The following EXOC4 variants were observed in gnomAD, a reference collection of about 807,000 sequenced individuals.
The protein encoded by EXOC4 is SEC8-like 1.
A neutral mutation model predicts 107.2 loss-of-function variants in EXOC4; 71 were observed. The ratio of observed to expected loss-of-function variants is 0.66; its 90% CI spans 0.55 to 0.81. The LOEUF is 0.81. Ranked by LOEUF, EXOC4 falls within the 30% of genes least tolerant of loss-of-function variation. EXOC4 has a pLI of 0.00. For synonymous variants in EXOC4, 456 were observed against 441.2 expected (o/e 1.03, Z -0.42); for missense variants, 1,108 against 1,189.6 (o/e 0.93, Z 1.01).
intron 14 of EXOC4, among the ~76,000 whole-genome samples, chr7:133,955,466 T>G (rs1800795615): frequency 6.6e-6 from 1 of 152,196 alleles, no homozygotes; most frequent in South Asian, 2.1e-4. Context: ...TAAGTCTGGC[T>G]GAGTCTGGGG....
intron 17 of EXOC4, among the ~76,000 whole-genome samples, chr7:134,021,053 C>G (rs922500725): frequency 6.6e-6 from 1 of 152,014 alleles, no homozygotes; most frequent in African/African-American, 2.4e-5. Flanking sequence ...TTGGACTTGC[C>G]TAGAGTTCCA....
At chr7:133,309,524 G>A (rs1344572085) in intron 4 of EXOC4, among the ~76,000 whole-genome samples, 1 of 152,170 alleles carries the variant, frequency 6.6e-6, no homozygotes, top group Non-Finnish European at 1.5e-5. Context: ...CAATAAAGTT[G>A]TAGGTAGTTT....
chr7:133,419,690 T>A (rs1007852151), intron 7 of EXOC4, among the ~76,000 whole-genome samples: 5 of 152,136 alleles, frequency 3.3e-5, no homozygotes, highest in African/African-American at 1.2e-4. Flanking sequence ...TGTTGGTGTG[T>A]CAAATGAATG....
Position 134,064,443 on chromosome 7 carries a change from C to G in EXOC4, c.2840C>G (p.Thr947Arg), listed in dbSNP as rs111239622. Reference sequence around the variant, plus strand: ...GTGGGGGAACTGACCACCCAGAACACGAGGCTGCAGAGGCTCAAAGAGATC... The same window carrying G: ...GTGGGGGAACTGACCACCCAGAACAGGAGGCTGCAGAGGCTCAAAGAGATC... ...TGVGELTTQN[T>R]RLQRLKEIIC... The change falls in exon 18 of 18, where the codon ACG becomes AGG. Residue 947 changes from threonine (T) to arginine (R), a missense_variant. Physicochemically the swap from Thr to Arg is moderately conservative, Grantham distance 71. Coordinates refer to ENST00000253861, the MANE Select transcript of EXOC4 (RefSeq NM_021807.4). The G allele has an allele frequency of 6.2e-7, 1 of 1,608,764 alleles. No individual in the cohort carries two copies. The highest frequency in any genetic ancestry group is 1.3e-5 in the African/African-American group (1 of 74,756).
intron 9 of EXOC4, among the ~76,000 whole-genome samples, chr7:133,485,520 G>C (rs1365327329): frequency 6.6e-6 from 1 of 151,906 alleles, no homozygotes; most frequent in East Asian, 1.9e-4. Context: ...TTTTCTCATT[G>C]TTGTCTAACC....
the EXOC4 span, among the ~76,000 whole-genome samples, chr7:134,084,709 T>TAAAAAAAAAAAAAAAA: frequency 2.2e-4 from 18 of 83,172 alleles, no homozygotes; most frequent in African/African-American, 8.5e-4. Context: ...GGTGCAGCCG[T>TAAAAAAAAAAAAAAAA]AAAAAAAAAA....
intron 13 of EXOC4, among the ~76,000 whole-genome samples, chr7:133,934,266 C>T (rs1253338131): frequency 6.6e-6 from 1 of 152,146 alleles, no homozygotes; most frequent in African/African-American, 2.4e-5. Flanking sequence ...TTCCACCAAG[C>T]TCTTTGACAC....
At chr7:133,494,031 G>T (rs2150878241) in intron 9 of EXOC4, among the ~76,000 whole-genome samples, 1 of 152,316 alleles carries the variant, frequency 6.6e-6, no homozygotes, top group South Asian at 2.1e-4. Flanking sequence ...TGAATTAATG[G>T]CAGCTGAAAA....
At chr7:133,950,571 A>C (rs150808195) in intron 14 of EXOC4, among the ~76,000 whole-genome samples, 2 of 152,354 alleles carry the variant, frequency 1.3e-5, no homozygotes, top group East Asian at 3.9e-4. Flanking sequence ...TCAGGGAAGT[A>C]TAGAACTTCG....
intron 9 of EXOC4, among the ~76,000 whole-genome samples, chr7:133,542,616 G>T (rs1275567319): frequency 6.6e-6 from 1 of 152,050 alleles, no homozygotes; most frequent in Admixed American, 6.6e-5. Context: ...AGTTTCTGTG[G>T]GTAGCCTTGG....
intron 14 of EXOC4, among the ~76,000 whole-genome samples, chr7:133,946,085 T>C (rs1800542884): frequency 6.6e-6 from 1 of 152,354 alleles, no homozygotes; most frequent in Non-Finnish European, 1.5e-5. Flanking sequence ...TTGACTGTTA[T>C]CAGACAGTTC....
chr7:133,332,798 A>G (rs1385554937), intron 5 of EXOC4, among the ~76,000 whole-genome samples: 3 of 152,130 alleles, frequency 2.0e-5, no homozygotes, highest in Non-Finnish European at 4.4e-5. Flanking sequence ...GGTAGAGGCA[A>G]TAGTGTGAGT....
intron 9 of EXOC4, among the ~76,000 whole-genome samples, chr7:133,532,610 G>GAAT (rs1800201310): frequency 1.3e-5 from 2 of 152,092 alleles, no homozygotes; most frequent in African/African-American, 2.4e-5. Flanking sequence ...TTCTAGAAGT[G>GAAT]AATAGGACTT....
intron 10 of EXOC4, among the ~76,000 whole-genome samples, chr7:133,774,215 G>T (rs1018514042): frequency 2.0e-5 from 3 of 152,052 alleles, no homozygotes; most frequent in African/African-American, 7.2e-5. Context: ...CTGATCTCTT[G>T]TATTATTCTC....
intron 10 of EXOC4, among the ~76,000 whole-genome samples, chr7:133,753,995 A>G (rs1795847129): frequency 6.6e-6 from 1 of 152,236 alleles, no homozygotes; most frequent in African/African-American, 2.4e-5. Context: ...TTTAATCTTC[A>G]CATCTTTGAT....
intron 10 of EXOC4, among the ~76,000 whole-genome samples, chr7:133,633,941 T>C (rs926588922): frequency 2.0e-5 from 3 of 152,168 alleles, no homozygotes; most frequent in African/African-American, 7.2e-5. Context: ...TTCCTGAAAC[T>C]TTGCATGACT....
At chr7:133,709,874 A>G (rs938924331) in intron 10 of EXOC4, among the ~76,000 whole-genome samples, 6 of 152,202 alleles carry the variant, frequency 3.9e-5, no homozygotes, top group African/African-American at 7.2e-5. Context: ...TGCTTGGCAC[A>G]TGGTAAATGC....
chr7:133,657,967 G>A (rs979375696), intron 10 of EXOC4, among the ~76,000 whole-genome samples: 13 of 152,164 alleles, frequency 8.5e-5, no homozygotes, highest in African/African-American at 2.9e-4. Context: ...ACAGGTTAGT[G>A]CGGGATATAG....
rs561908020 is a variant in EXOC4 at position 133,684,801 on chromosome 7, C to A, written c.1514+54660C>A. On this transcript the variant is annotated intron_variant, in intron 10 of 17. Transcript: ENST00000253861. Reference sequence around the variant, plus strand: ...GCAGCTGCCTTGGGGCATTTGTCAGCCTCAGGAACCTAGAGGTCCAAGTTT... The same window carrying A: ...GCAGCTGCCTTGGGGCATTTGTCAGACTCAGGAACCTAGAGGTCCAAGTTT... Among the ~76,000 whole-genome samples the A allele has an allele frequency of 2.0e-3, 306 of 152,290 alleles. 1 individual carries two copies. Among genetic ancestry groups the A allele is most frequent in the Middle Eastern group, 6.8e-3 (2 of 294 alleles).
Sources: allele counts gnomAD v4.1 joint callset (sites outside exome capture counted in the v4.1 genomes callset), GRCh38; gene constraint gnomAD v4.1.1; transcripts MANE v1.5; gene names NCBI Gene and HGNC (gene_info 2026-07-23, HGNC 2026-07-21).